PCCA: variants seen among roughly 807,000 people sequenced by gnomAD.
PCCA encodes the protein propionyl-CoA carboxylase alpha chain, mitochondrial.
PCCA carries 74 observed loss-of-function variants against 101.3 expected under a neutral mutation model. The observed-to-expected ratio is 0.73, with a 90% CI of 0.61 to 0.89. The LOEUF (loss-of-function observed/expected upper bound fraction) is 0.89, where lower values mean the gene tolerates loss of function less well. Ranked by LOEUF, PCCA falls within the 40% of genes least tolerant of loss-of-function variation. PCCA has a pLI of 0.00. For synonymous variants in PCCA, 294 were observed against 313.6 expected (o/e 0.94, Z 0.66); for missense variants, 891 against 907.0 (o/e 0.98, Z 0.23).
At chr13:100,092,924 A>G (rs1475179219) in intron 1 of PCCA, among the ~76,000 whole-genome samples, 5 of 152,204 alleles carry the variant, frequency 3.3e-5, no homozygotes, top group Non-Finnish European at 2.9e-5. Flanking sequence ...AAAAATGTTT[A>G]TAGACATTTA....
At chr13:100,419,942 A>G (rs1365522198) in intron 19 of PCCA, among the ~76,000 whole-genome samples, 2 of 152,272 alleles carry the variant, frequency 1.3e-5, no homozygotes, top group Non-Finnish European at 2.9e-5. Context: ...TTACATTAGC[A>G]TGGCTGCTAA....
intron 21 of PCCA, among the ~76,000 whole-genome samples, chr13:100,505,851 C>T (rs1206165555): frequency 7.0e-6 from 1 of 143,880 alleles, no homozygotes; most frequent in Non-Finnish European, 1.5e-5. Flanking sequence ...TGTTTCTCTG[C>T]CCACCCTCCC....
At chr13:100,516,846 A>G (rs1456870721) in intron 22 of PCCA, among the ~76,000 whole-genome samples, 1 of 151,570 alleles carries the variant, frequency 6.6e-6, no homozygotes, top group East Asian at 2.0e-4. Context: ...GACATTAAGA[A>G]TCGTTCACTT....
At chr13:100,112,157 T>C (rs2048376678) in intron 4 of PCCA, 96 bp downstream of exon 4, 1 of 825,320 alleles carries the variant, frequency 1.2e-6, no homozygotes. Flanking sequence ...CTGCACAAGA[T>C]ACATTCAAGT....
intron 21 of PCCA, among the ~76,000 whole-genome samples, chr13:100,472,280 C>T (rs1179619115): frequency 6.6e-6 from 1 of 152,058 alleles, no homozygotes; most frequent in East Asian, 1.9e-4. Context: ...GCACGACGAC[C>T]TTGGTGGGTC....
At chr13:100,308,099 C>T (rs918181183) in intron 15 of PCCA, among the ~76,000 whole-genome samples, 3 of 152,114 alleles carry the variant, frequency 2.0e-5, no homozygotes, top group Admixed American at 6.5e-5. Flanking sequence ...GTGATCCGCC[C>T]GCCTCGGCCT....
At chr13:100,440,184 AT>A (rs1566308176) in intron 20 of PCCA, among the ~76,000 whole-genome samples, 14 of 121,720 alleles carry the variant, frequency 1.2e-4, no homozygotes, top group African/African-American at 2.4e-4. Context: ...ATATATATAT[AT>A]ATATATATAT....
intron 19 of PCCA, among the ~76,000 whole-genome samples, chr13:100,396,703 G>A (rs1023855483): frequency 8.5e-5 from 13 of 152,190 alleles, no homozygotes; most frequent in Admixed American, 3.3e-4. Context: ...AGGTTTGTCA[G>A]TACTGATTAA....
At chr13:100,332,525 C>T (rs2069787212) in intron 17 of PCCA, among the ~76,000 whole-genome samples, 1 of 152,014 alleles carries the variant, frequency 6.6e-6, no homozygotes, top group South Asian at 2.1e-4. Flanking sequence ...TACACACACA[C>T]AAATACACAT....
intron 19 of PCCA, among the ~76,000 whole-genome samples, chr13:100,405,368 A>G (rs1487330572): frequency 2.6e-5 from 4 of 152,172 alleles, no homozygotes; most frequent in African/African-American, 9.7e-5. Context: ...TACAGGAACA[A>G]GCAGGGTTAG....
intron 20 of PCCA, among the ~76,000 whole-genome samples, chr13:100,425,951 T>C (rs1344809323): frequency 6.6e-6 from 1 of 152,212 alleles, no homozygotes; most frequent in Non-Finnish European, 1.5e-5. Context: ...AGAAGGTTCA[T>C]GTATTGTACT....
At chr13:100,117,988 C>T (rs999828857) in intron 4 of PCCA, among the ~76,000 whole-genome samples, 1 of 151,760 alleles carries the variant, frequency 6.6e-6, no homozygotes, top group African/African-American at 2.4e-5. Context: ...TGGTGGCAGG[C>T]TCCTGTGGTC....
rs572358736 is a variant in PCCA, at chr13:100,474,286, T to G, written c.1899+24981T>G. Among the ~76,000 whole-genome samples, 8 of 152,334 alleles carry G rather than the reference T, an allele frequency of 5.3e-5. No homozygotes were observed. The South Asian group carries it at 1.7e-3, about 32-fold the overall frequency. ...GAATTTCCAAGATAAAGGCCCATGT[T>G]TTTCCTTTATGTATCCGAAAGTTAT... On this transcript the variant is annotated intron_variant, in intron 21 of 23. Coordinates refer to ENST00000376285, the MANE Select transcript of PCCA (RefSeq NM_000282.4).
chr13:100,097,113 G>C (rs1343490249), intron 1 of PCCA, among the ~76,000 whole-genome samples: 1 of 152,150 alleles, frequency 6.6e-6, no homozygotes, highest in Non-Finnish European at 1.5e-5. Flanking sequence ...ACAGGGAAAG[G>C]AAGGAATTAA....
At chr13:100,150,774 G>A in intron 4 of PCCA, 8 of 1,587,658 alleles carry the variant, frequency 5.0e-6, no homozygotes, top group East Asian at 2.2e-5. Flanking sequence ...CCACAGTGGC[G>A]TCCAGCTTGC....
At chr13:100,150,185 G>A (rs1425265212) in intron 4 of PCCA, among the ~76,000 whole-genome samples, 3 of 151,620 alleles carry the variant, frequency 2.0e-5, no homozygotes, top group South Asian at 4.2e-4. Context: ...GCACCATTAC[G>A]CCCAGGTAAT....
At chr13:100,171,053 G>C (rs1266265347) in intron 6 of PCCA, among the ~76,000 whole-genome samples, 2 of 152,168 alleles carry the variant, frequency 1.3e-5, no homozygotes, top group African/African-American at 4.8e-5. Flanking sequence ...CCATGTAACA[G>C]TAGAGTTATA....
intron 22 of PCCA, among the ~76,000 whole-genome samples, chr13:100,524,473 A>G (rs970630826): frequency 6.6e-6 from 1 of 151,304 alleles, no homozygotes; most frequent in Non-Finnish European, 1.5e-5. Context: ...GGCATGAAGG[A>G]AGTTTTTAAA....
chr13:100,387,486 T>C (rs979531231), intron 19 of PCCA, among the ~76,000 whole-genome samples: 3 of 152,176 alleles, frequency 2.0e-5, no homozygotes, highest in Admixed American at 6.5e-5. Context: ...TAGAGAACAG[T>C]ATGTTTTTCC....
Sources: gnomAD v4.1 joint callset for allele counts (sites outside exome capture counted in the v4.1 genomes callset) on GRCh38, gnomAD v4.1.1 for gene constraint, MANE v1.5 for transcripts, NCBI Gene and HGNC (gene_info 2026-07-23, HGNC 2026-07-21) for gene names.